The following SPATA7 variants were observed in gnomAD, a reference collection of about 807,000 sequenced individuals.
SPATA7 encodes spermatogenesis-associated protein 7.
SPATA7 carries 43 observed loss-of-function variants against 51.8 expected under a neutral mutation model. The observed-to-expected ratio is 0.83, with a 90% CI of 0.65 to 1.07. SPATA7 has a LOEUF of 1.07. Among genes scored for constraint, SPATA7 ranks in the 50% least tolerant of loss-of-function variants. SPATA7 has a pLI of 0.00. For missense variants in SPATA7, 683 were observed against 701.3 expected (o/e 0.97, Z 0.30); for synonymous variants, 230 against 252.8 (o/e 0.91, Z 0.86).
rs145599001 is a variant in SPATA7, at chr14:88,462,362, A to G, written c.255-7485A>G. ...TCTGTACTAGTCTCATCAACCTACT[A>G]AAAAAATTGAGGCCTGACAGACTCA... is the stretch of plus-strand genomic sequence containing the variant. On this transcript the variant is annotated intron_variant, in intron 4 of 4. Coordinates refer to the SPATA7 transcript ENST00000556406. Among the ~76,000 whole-genome samples, 11 of 152,290 alleles carry G rather than the reference A, an allele frequency of 7.2e-5. No homozygotes were observed. The East Asian group carries it at 2.1e-3, about 29-fold the overall frequency.
At chr14:88,388,661 G>A (rs1464005037) in intron 1 of SPATA7, among the ~76,000 whole-genome samples, 1 of 152,176 alleles carries the variant, frequency 6.6e-6, no homozygotes, top group Non-Finnish European at 1.5e-5. Flanking sequence ...GGAGGCTGAG[G>A]CAGGAGCATC....
At chr14:88,440,242 T>C (rs1214243419), downstream of SPATA7, among the ~76,000 whole-genome samples, 3 of 152,168 alleles carry the variant, frequency 2.0e-5, no homozygotes, top group Non-Finnish European at 4.4e-5. Flanking sequence ...CTGGCTGCTG[T>C]TCTCCAACAC....
In SPATA7 at chr14:88,418,218, C is replaced by G. The variant is rs528043174; in HGVS notation, c.372+1374C>G. Among the ~76,000 whole-genome samples the G allele has an allele frequency of 3.3e-5, 5 of 152,178 alleles. No individual in the cohort carries two copies. The South Asian group carries it at 8.3e-4, about 25-fold the overall frequency. ...ACACTTTTTATTGTGTTAGTCTTCT[C>G]TATTGTATTTTGTTTTCTGTTTTGT... On this transcript the variant is annotated intron_variant, in intron 5 of 11. Coordinates refer to ENST00000393545, the MANE Select transcript of SPATA7 (RefSeq NM_018418.5).
At chr14:88,453,836 T>C (rs1470580868) in intron 3 of SPATA7, among the ~76,000 whole-genome samples, 1 of 152,190 alleles carries the variant, frequency 6.6e-6, no homozygotes, top group Non-Finnish European at 1.5e-5. Flanking sequence ...AGGAATATCA[T>C]ATCCTAAAAG....
At chr14:88,400,694 A>C (rs1199643975) in intron 4 of SPATA7, among the ~76,000 whole-genome samples, 1 of 151,930 alleles carries the variant, frequency 6.6e-6, no homozygotes, top group East Asian at 1.9e-4. Context: ...AATTAGCCAG[A>C]TGTGGTGTTG....
chr14:88,403,901 C>A (rs190916841), intron 4 of SPATA7, among the ~76,000 whole-genome samples: 2 of 151,042 alleles, frequency 1.3e-5, no homozygotes, highest in Admixed American at 1.3e-4. Context: ...TGTGTTCTCA[C>A]CACAAAAAAA....
At chr14:88,458,752 G>T (rs1011993370), downstream of SPATA7, among the ~76,000 whole-genome samples, 1 of 152,076 alleles carries the variant, frequency 6.6e-6, no homozygotes, top group East Asian at 1.9e-4. Context: ...GTTATTTCTT[G>T]CCTTCTGCTA....
rs2077411109 is a variant in SPATA7 at position 88,469,009 on chromosome 14, G to A, written c.255-838G>A. 4 of 1,614,198 alleles carry A rather than the reference G, an allele frequency of 2.5e-6. No individual in the cohort carries two copies. The highest frequency in any genetic ancestry group is 3.4e-6 in the Non-Finnish European group (4 of 1,180,040). On this transcript the variant is annotated intron_variant, in intron 4 of 4. Transcript: ENST00000556406. This position sits in a 1 kb window ranked among gnomAD's most constrained non-coding sequence, Gnocchi z 4.3. Reference sequence around the variant, plus strand: ...CACTGCAGTGGACCAACAACGGAGGGTTGGGGCTTTGGGGATCACTTGTGC... The same window carrying A: ...CACTGCAGTGGACCAACAACGGAGGATTGGGGCTTTGGGGATCACTTGTGC...
chr14:88,406,252 TAGA>T (rs2076195202), intron 4 of SPATA7, among the ~76,000 whole-genome samples: 1 of 152,064 alleles, frequency 6.6e-6, no homozygotes, highest in African/African-American at 2.4e-5. Context: ...TTAATTTTTA[TAGA>T]AGTTTTATTG....
intron 4 of SPATA7, among the ~76,000 whole-genome samples, chr14:88,408,366 G>A (rs952379014): frequency 5.8e-4 from 88 of 152,196 alleles, no homozygotes; most frequent in African/African-American, 1.9e-3. Flanking sequence ...TATTCTCTTT[G>A]TAGCAATTGT....
chr14:88,386,925 G>A (rs757676925), intron 1 of SPATA7, among the ~76,000 whole-genome samples: 6 of 152,040 alleles, frequency 3.9e-5, no homozygotes, highest in Non-Finnish European at 7.4e-5. Flanking sequence ...ACCAACCTAG[G>A]TTTCAGAAAA....
At chr14:88,425,471 A>G (rs1182650170) in intron 5 of SPATA7, among the ~76,000 whole-genome samples, 1 of 152,120 alleles carries the variant, frequency 6.6e-6, no homozygotes, top group African/African-American at 2.4e-5. Context: ...TTTGCAAAGG[A>G]TATACAGATG....
chr14:88,396,041 C>T (rs146482382), intron 3 of SPATA7, 115 bp from the exon 4 acceptor site: 66 of 796,356 alleles, frequency 8.3e-5, no homozygotes, highest in Admixed American at 7.4e-4. Context: ...TGTTTTCCAT[C>T]GCTAGAAGTA....
chr14:88,410,784 G>C (rs2076320554), intron 4 of SPATA7: 1 of 158,948 alleles, frequency 6.3e-6, no homozygotes, highest in African/African-American at 2.4e-5. Flanking sequence ...GTCCCAGAGG[G>C]GCACCCGCCA....
intron 4 of SPATA7, chr14:88,414,757 T>G: frequency 3.0e-6 from 1 of 333,412 alleles, no homozygotes; most frequent in Middle Eastern, 1.1e-3. Flanking sequence ...TGTTTTTATT[T>G]ATTTCAAAGA....
At position 88,451,811 on chromosome 14, in the gene SPATA7, C is replaced by T. The variant is rs532230244; in HGVS notation, c.178-3249C>T. 2.7e-4 allele frequency among the ~76,000 whole-genome samples: 41 copies of T among 152,254 alleles called. 1 individual carries two copies. In the South Asian group the frequency reaches 7.5e-3, roughly 28 times the overall value. On this transcript the variant is annotated intron_variant, in intron 3 of 3. Transcript: ENST00000554802. The stretch of plus-strand genomic sequence containing the variant: ...AAGTGTTGGGGTTATAGGTGTGAGC[C>T]GCTACACCTGGCCCTATATCATTTT...
chr14:88,392,995 T>G (rs190558930), intron 2 of SPATA7, among the ~76,000 whole-genome samples: 50 of 152,270 alleles, frequency 3.3e-4, no homozygotes, highest in African/African-American at 1.2e-3. Context: ...TGTAGGGTTT[T>G]GGGATTTGGT....
At chr14:88,435,504 G>T (rs775492785) in intron 10 of SPATA7, among the ~76,000 whole-genome samples, 1 of 152,062 alleles carries the variant, frequency 6.6e-6, no homozygotes, top group Non-Finnish European at 1.5e-5. Flanking sequence ...TCACCCTGTT[G>T]TGCTGTCAAA....
chr14:88,453,491 G>A (rs972160001), intron 3 of SPATA7, among the ~76,000 whole-genome samples: 7 of 100,150 alleles, frequency 7.0e-5, no homozygotes, highest in East Asian at 2.9e-4. Context: ...TTTGCCAAGT[G>A]AACTAATTAG....
Sources: allele counts gnomAD v4.1 joint callset (sites outside exome capture counted in the v4.1 genomes callset), GRCh38; gene constraint gnomAD v4.1.1; non-coding constraint Gnocchi (gnomAD v3.1); transcripts MANE v1.5; gene names NCBI Gene and HGNC (gene_info 2026-07-23, HGNC 2026-07-21).